The following DAB1 variants were observed in gnomAD, a reference collection of about 807,000 sequenced individuals.
The protein encoded by DAB1 is disabled homolog 1.
A neutral mutation model predicts 64.6 loss-of-function variants in DAB1; 15 were observed. The ratio of observed to expected loss-of-function variants is 0.23; its 90% confidence interval spans 0.16 to 0.36. The LOEUF is 0.36. DAB1 is among the 10% of genes least tolerant of loss of function. The pLI, the probability that DAB1 is intolerant of heterozygous loss-of-function variation, is 1.00. For missense variants in DAB1, 596 were observed against 706.7 expected, an observed-to-expected ratio of 0.84 and a Z score of 1.78; for synonymous variants, 235 against 251.9, an observed-to-expected ratio of 0.93 and a Z score of 0.64.
intron 5 of DAB1, among the ~76,000 whole-genome samples, chr1:57,953,910 A>G (rs1408894288): frequency 6.6e-6 from 1 of 152,170 alleles, no homozygotes; most frequent in East Asian, 1.9e-4. Flanking sequence ...GCCAAGGGAC[A>G]TAACTGGCTG....
intron 6 of DAB1, among the ~76,000 whole-genome samples, chr1:57,702,776 C>G (rs1570752307): frequency 6.6e-6 from 1 of 152,234 alleles, no homozygotes; most frequent in East Asian, 1.9e-4. Flanking sequence ...CATCATGCTA[C>G]CAGACTTCAA....
At chr1:57,562,044 G>A (rs539895407) in intron 7 of DAB1, among the ~76,000 whole-genome samples, 6 of 152,308 alleles carry the variant, frequency 3.9e-5, no homozygotes, top group South Asian at 4.1e-4. Context: ...TCCACACAGC[G>A]CTGTCTCTGA....
At chr1:57,556,290 A>G (rs1020042841) in intron 7 of DAB1, among the ~76,000 whole-genome samples, 2 of 152,220 alleles carry the variant, frequency 1.3e-5, no homozygotes, top group Non-Finnish European at 2.9e-5. Context: ...CTAGATAGAT[A>G]CACAGGAATG....
upstream of DAB1, among the ~76,000 whole-genome samples, chr1:57,889,002 T>C (rs141954040): frequency 1.1e-3 from 169 of 152,268 alleles, no homozygotes; most frequent in Non-Finnish European, 1.7e-3. Context: ...GAGTGTGCGA[T>C]GGAGAGTTGG....
chr1:58,185,963 TCTC>T (rs1363458746), intron 4 of DAB1, among the ~76,000 whole-genome samples: 1 of 152,312 alleles, frequency 6.6e-6, no homozygotes, highest in East Asian at 1.9e-4. Context: ...CCCATTCTAA[TCTC>T]CTTCTAACTT....
chr1:57,902,673 A>G (rs1374687963), intron 5 of DAB1, among the ~76,000 whole-genome samples: 1 of 152,148 alleles, frequency 6.6e-6, no homozygotes. Flanking sequence ...CCTCAATTTG[A>G]GTGACATGAT....
intron 6 of DAB1, among the ~76,000 whole-genome samples, chr1:57,769,841 C>T (rs1649480091): frequency 6.6e-6 from 1 of 152,166 alleles, no homozygotes; most frequent in South Asian, 2.1e-4. Context: ...ATCCTCAGTG[C>T]TCTGCTGCAT....
intron 4 of DAB1, among the ~76,000 whole-genome samples, chr1:58,337,014 G>A (rs1189735654): frequency 6.6e-6 from 1 of 152,092 alleles, no homozygotes; most frequent in Non-Finnish European, 1.5e-5. Flanking sequence ...CGGGTGCGGT[G>A]GCTCACACCT....
intron 9 of DAB1, among the ~76,000 whole-genome samples, chr1:57,053,917 C>A (rs913583202): frequency 6.6e-6 from 1 of 151,848 alleles, no homozygotes; most frequent in Non-Finnish European, 1.5e-5. Context: ...GAACTCCTGA[C>A]CTCAGGTGAT....
rs61767498 is a variant in DAB1 at position 57,172,831 on chromosome 1, T to C, written c.68-27402A>G. 4.8e-3 allele frequency among the ~76,000 whole-genome samples: 728 copies of C among 152,264 alleles called. 5 individuals carry two copies. Among genetic ancestry groups the C allele is most frequent in the Non-Finnish European group, 8.4e-3 (571 of 68,030 alleles). On this transcript the variant is annotated intron_variant, in intron 2 of 14. Coordinates refer to ENST00000371236, the MANE Select transcript of DAB1 (RefSeq NM_001365792.1). ...TAGGCCCCACCTCCAACACTGGGGA[T>C]CAACTTTCAACAGGAGATTTGGAGG...
At chr1:58,287,214 T>C (rs1408870949) in intron 4 of DAB1, among the ~76,000 whole-genome samples, 4 of 152,074 alleles carry the variant, frequency 2.6e-5, no homozygotes, top group Admixed American at 6.6e-5. Context: ...CATGTTGGGC[T>C]TAATACCTAG....
In DAB1 at chr1:57,941,332, T is replaced by G. The variant is rs1192473536; in HGVS notation, n.388-57170A>C. Among the ~76,000 whole-genome samples, 13 of 152,154 alleles carry G rather than the reference T, an allele frequency of 8.5e-5. 1 individual carries two copies. The highest frequency in any genetic ancestry group is 8.5e-4 in the Admixed American group (13 of 15,278). On this transcript the variant is annotated intron_variant and non_coding_transcript_variant, in intron 5 of 20. Transcript: ENST00000485760. ...CCAGCAGGATTGAGATACAAATAAT[T>G]GAGTTTAGGTTCTAGAGTCTCACTT...
At chr1:58,347,397 C>T (rs1557736733) in intron 3 of DAB1, among the ~76,000 whole-genome samples, 1 of 152,212 alleles carries the variant, frequency 6.6e-6, no homozygotes, top group Non-Finnish European at 1.5e-5. Flanking sequence ...TGCGTGACTG[C>T]ACCCAACCGA....
intron 7 of DAB1, among the ~76,000 whole-genome samples, chr1:57,553,422 G>GAGAAAGAAAAAGAAAGAAAGAAAGAA: frequency 5.5e-5 from 1 of 18,346 alleles, no homozygotes; most frequent in African/African-American, 9.5e-5. Context: ...AAGAAAGAAA[G>GAGAAAGAAAAAGAAAGAAAGAAAGAA]AAAGAAAGAA....
chr1:57,604,409 A>G (rs1441333229), intron 7 of DAB1, among the ~76,000 whole-genome samples: 1 of 46,504 alleles, frequency 2.2e-5, no homozygotes, highest in East Asian at 8.8e-4. Context: ...ATTATAAAAG[A>G]AAAAAAAAAA....
intron 1 of DAB1, among the ~76,000 whole-genome samples, chr1:57,310,291 G>A (rs1292584258): frequency 6.6e-6 from 1 of 152,192 alleles, no homozygotes; most frequent in Non-Finnish European, 1.5e-5. Context: ...GAGGGTGAAG[G>A]TGTGTGCCAT....
intron 5 of DAB1, among the ~76,000 whole-genome samples, chr1:58,093,277 T>C (rs1291915893): frequency 1.3e-5 from 2 of 152,138 alleles, no homozygotes; most frequent in Non-Finnish European, 2.9e-5. Context: ...GGAAAGCTGA[T>C]AGACAGTGTA....
rs1013259166 is a variant in DAB1 at position 57,896,241 on chromosome 1, G to A, written n.388-12079C>T. On this transcript the variant is annotated intron_variant and non_coding_transcript_variant, in intron 5 of 20. Coordinates refer to the DAB1 transcript ENST00000485760. ...ATATTATCTATGCAGTATCACTATCGTGTACATCACAAGGGAGGGGAAGAA... is the reference window on the plus strand; with the variant it reads ...ATATTATCTATGCAGTATCACTATCATGTACATCACAAGGGAGGGGAAGAA... Among the ~76,000 whole-genome samples, 10 of 152,156 alleles carry A rather than the reference G, an allele frequency of 6.6e-5. No individual in the cohort carries two copies. The East Asian group carries it at 1.5e-3, about 23-fold the overall frequency.
At chr1:58,197,609 T>C (rs945143159) in intron 4 of DAB1, among the ~76,000 whole-genome samples, 5 of 152,076 alleles carry the variant, frequency 3.3e-5, no homozygotes, top group African/African-American at 9.6e-5. Context: ...TTGGCCAGGA[T>C]GGTCTCGATC....
Sources: allele counts gnomAD v4.1 joint callset (sites outside exome capture counted in the v4.1 genomes callset), GRCh38; gene constraint gnomAD v4.1.1; transcripts MANE v1.5; gene names NCBI Gene and HGNC (gene_info 2026-07-23, HGNC 2026-07-21).